The following EVC2 variants were observed in gnomAD, a reference collection of about 807,000 sequenced individuals.
EVC2 encodes the protein limbin.
Under a neutral mutation model 149.3 loss-of-function variants are expected in EVC2, and 148 were observed. The observed-to-expected ratio is 0.99, with a 90% CI of 0.87 to 1.14. EVC2 has a LOEUF of 1.14. EVC2 is among the 50% of genes most tolerant of loss of function. The pLI is 0.00. For synonymous variants in EVC2, 776 were observed against 649.9 expected (o/e 1.19, Z -2.95); for missense variants, 1,854 against 1,627.3 (o/e 1.14, Z -2.40).
chr4:5,646,283 C>T (rs540044064), intron 9 of EVC2, among the ~76,000 whole-genome samples: 10 of 152,226 alleles, frequency 6.6e-5, no homozygotes, highest in Admixed American at 2.6e-4. Flanking sequence ...GGTGGTATCT[C>T]ATTGTGGTTT....
the EVC2 span, among the ~76,000 whole-genome samples, chr4:5,533,581 GA>G: frequency 6.6e-6 from 1 of 152,210 alleles, no homozygotes; most frequent in Admixed American, 6.5e-5. Context: ...GAGAGATTAA[GA>G]TGCTTGTCTC....
chr4:5,697,909 C>A (rs1298508347), intron 1 of EVC2, among the ~76,000 whole-genome samples: 7 of 151,918 alleles, frequency 4.6e-5, no homozygotes, highest in Admixed American at 4.6e-4. Flanking sequence ...CCACGCCCAG[C>A]TAATTTTTTT....
Position 5,544,249 on chromosome 4 carries a change from GA to G in EVC2, c.3420-1038del, listed in dbSNP as rs565649059. Among the ~76,000 whole-genome samples, 970 of 139,036 alleles carry G rather than the reference GA, an allele frequency of 7.0e-3. 8 individuals carry two copies. Among genetic ancestry groups the G allele is most frequent in the African/African-American group, 0.016 (617 of 38,272 alleles). The allele number at this position is 139,036 out of a possible 152,430, so 91.2% of individuals were successfully genotyped here. ...TAGAAATGGAAATGAAGTTGTTATG[GA>G]AAAAAAAAAAAAGAGAGAAAATTCT... On this transcript the variant is annotated intron_variant and NMD_transcript_variant, in intron 21 of 22. Coordinates refer to the EVC2 transcript ENST00000475313.
chr4:5,662,619 G>GATTAATTATATTAAAATATAATAT (rs990827346), intron 9 of EVC2, among the ~76,000 whole-genome samples: 1 of 137,034 alleles, frequency 7.3e-6, no homozygotes, highest in African/African-American at 2.7e-5. Flanking sequence ...AATATATTTA[G>GATTAATTATATTAAAATATAATAT]ATTAATTATA....
chr4:5,662,046 A>G (rs972329307), intron 9 of EVC2, among the ~76,000 whole-genome samples: 2 of 152,180 alleles, frequency 1.3e-5, no homozygotes, highest in Non-Finnish European at 1.5e-5. Context: ...GTACACACTC[A>G]CATCACCTGG....
At chr4:5,643,704 T>C (rs1270605711) in intron 9 of EVC2, among the ~76,000 whole-genome samples, 1 of 152,108 alleles carries the variant, frequency 6.6e-6, no homozygotes, top group Non-Finnish European at 1.5e-5. Context: ...GTGGATCACT[T>C]GAGGCCAGGA....
chr4:5,697,685 A>G, intron 1 of EVC2, 38 bp from the exon 2 acceptor site: 1 of 1,560,546 alleles, frequency 6.4e-7, no homozygotes, highest in African/African-American at 1.4e-5. Context: ...AATGGAACAC[A>G]TACTTCTGAG....
At chr4:5,673,158 T>C (rs968562718) in intron 7 of EVC2, among the ~76,000 whole-genome samples, 15 of 152,196 alleles carry the variant, frequency 9.9e-5, no homozygotes, top group African/African-American at 3.6e-4. Flanking sequence ...ACAGAAACAG[T>C]GCCTAATGTT....
At chr4:5,594,838 T>C (rs1713225123) in intron 16 of EVC2, among the ~76,000 whole-genome samples, 1 of 152,130 alleles carries the variant, frequency 6.6e-6, no homozygotes, top group Non-Finnish European at 1.5e-5. Flanking sequence ...TTTAGGCGAA[T>C]GTATAACTAG....
intron 16 of EVC2, among the ~76,000 whole-genome samples, chr4:5,595,085 C>T (rs1240045479): frequency 3.9e-5 from 6 of 152,140 alleles, no homozygotes; most frequent in Non-Finnish European, 1.5e-5. Context: ...ACCAAATGTA[C>T]GTCTGATTGG....
At chr4:5,558,782 T>C (rs553054390), downstream of EVC2, among the ~76,000 whole-genome samples, 318 of 152,312 alleles carry the variant, frequency 2.1e-3, 1 homozygote, top group Middle Eastern at 0.01. Flanking sequence ...GAGAAAGTTG[T>C]TTCCCACATG....
intron 19 of EVC2, among the ~76,000 whole-genome samples, chr4:5,572,802 G>A (rs1722711439): frequency 1.3e-5 from 2 of 152,116 alleles, no homozygotes; most frequent in African/African-American, 4.8e-5. Context: ...AAAGATAAAG[G>A]TGGGGGAATC....
chr4:5,665,026 G>T (rs1383886596), intron 8 of EVC2, among the ~76,000 whole-genome samples: 1 of 151,280 alleles, frequency 6.6e-6, no homozygotes, highest in Non-Finnish European at 1.5e-5. Context: ...GACGGGATGC[G>T]TGTGGGTGAT....
intron 16 of EVC2, among the ~76,000 whole-genome samples, chr4:5,600,552 GA>G (rs1553824290): frequency 6.6e-6 from 1 of 152,178 alleles, no homozygotes; most frequent in Non-Finnish European, 1.5e-5. Context: ...TGGGGGAAAT[GA>G]GAGAGGAAAC....
At position 5,685,357 on chromosome 4, in the gene EVC2, A is replaced by G. The variant is rs1325503437; in HGVS notation, c.816+13T>C. On this transcript the variant is annotated intron_variant, in intron 6 of 21. Transcript: ENST00000344408. The stretch of plus-strand genomic sequence containing the variant: ...CAGTGGCAAGACAGAGATTAAAGTA[A>G]CAAAGGTCATACCCGTGACGAGCTC... 3 of 1,613,266 alleles carry G rather than the reference A, an allele frequency of 1.9e-6. No homozygotes were observed. The Admixed American group carries it at 5.0e-5, about 27-fold the overall frequency.
At chr4:5,704,774 T>C (rs35212609) in intron 1 of EVC2, among the ~76,000 whole-genome samples, 2,743 of 152,198 alleles carry the variant, frequency 0.018, 46 homozygotes, top group Non-Finnish European at 0.029. Flanking sequence ...GGTGAGATCA[T>C]AGCTCACTGC....
intron 1 of EVC2, among the ~76,000 whole-genome samples, chr4:5,699,780 G>T (rs1721713269): frequency 6.6e-6 from 1 of 151,892 alleles, no homozygotes; most frequent in African/African-American, 2.4e-5. Flanking sequence ...CTATGATCAT[G>T]CCACTGCACT....
Position 5,685,508 on chromosome 4 carries a change from G to C in EVC2, c.707-29C>G, listed in dbSNP as rs771551226. ...CGCAGAGAAAAGCACATGTGACTCA[G>C]GGAGGGCTTGGCCACGCCCCCGGCT... On this transcript the variant is annotated intron_variant, in intron 5 of 21. Transcript: ENST00000344408. 14 of 1,603,178 alleles carry C rather than the reference G, an allele frequency of 8.7e-6. No homozygotes were observed. In the South Asian group the frequency reaches 1.4e-4, roughly 16 times the overall value.
chr4:5,535,974 C>T, the EVC2 span, among the ~76,000 whole-genome samples: 9 of 152,188 alleles, frequency 5.9e-5, no homozygotes, highest in East Asian at 3.9e-4. This position sits in a 1 kb window ranked among gnomAD's most constrained non-coding sequence, Gnocchi z 4.7. Flanking sequence ...TAAGTGACAG[C>T]GCCTCCTTTC....
Sources: allele counts gnomAD v4.1 joint callset (sites outside exome capture counted in the v4.1 genomes callset), GRCh38; gene constraint gnomAD v4.1.1; non-coding constraint Gnocchi (gnomAD v3.1); transcripts MANE v1.5; gene names NCBI Gene and HGNC (gene_info 2026-07-23, HGNC 2026-07-21).